The following FBXW4 variants were observed in gnomAD, a reference collection of about 807,000 sequenced individuals.
FBXW4 encodes the protein F-box/WD repeat-containing protein 4.
FBXW4 carries 40 observed loss-of-function variants against 61.8 expected under a neutral mutation model. The observed-to-expected ratio is 0.65, with a 90% CI of 0.50 to 0.84. The LOEUF (loss-of-function observed/expected upper bound fraction) is 0.84, where lower values mean the gene tolerates loss of function less well. FBXW4 is among the 40% of genes least tolerant of loss of function. The pLI, the probability that FBXW4 is intolerant of heterozygous loss-of-function variation, is 0.00. For synonymous variants in FBXW4, 311 were observed against 313.8 expected, an observed-to-expected ratio of 0.99 and a Z score of 0.10; for missense variants, 672 against 753.8, an observed-to-expected ratio of 0.89 and a Z score of 1.27.
At chr10:101,665,065 AG>A (rs2134881165) in intron 5 of FBXW4, among the ~76,000 whole-genome samples, 2 of 152,272 alleles carry the variant, frequency 1.3e-5, no homozygotes, top group African/African-American at 4.8e-5. Context: ...TGAGGCTGGG[AG>A]GCAGTGTCTC....
At chr10:101,643,907 TTTTC>T (rs2064074820) in intron 5 of FBXW4, among the ~76,000 whole-genome samples, 1 of 152,162 alleles carries the variant, frequency 6.6e-6, no homozygotes, top group Admixed American at 6.5e-5. Context: ...GCTAAAATGA[TTTTC>T]TTTAATTGCT....
intron 5 of FBXW4, among the ~76,000 whole-genome samples, chr10:101,627,332 G>A (rs913066761): frequency 3.3e-5 from 5 of 152,178 alleles, no homozygotes; most frequent in African/African-American, 1.2e-4. Context: ...CTGGCACTTA[G>A]GAGGACTTAA....
At chr10:101,635,934 G>T (rs1466794894) in intron 5 of FBXW4, among the ~76,000 whole-genome samples, 3 of 152,044 alleles carry the variant, frequency 2.0e-5, no homozygotes, top group African/African-American at 7.2e-5. Context: ...CGGGCGGAGG[G>T]AAGAGCGATC....
upstream of FBXW4, chr10:101,695,183 T>A (rs1357915897): frequency 2.0e-6 from 2 of 985,204 alleles, no homozygotes; most frequent in African/African-American, 1.7e-5. The surrounding 1 kb of genome is among the most constrained non-coding windows in gnomAD (Gnocchi z 4.2). Context: ...GGCGACACCA[T>A]GTCGGACCGG....
rs1443523149 is a variant in FBXW4 at position 101,611,234 on chromosome 10, A to G, written c.*57T>C. 3.8e-6 allele frequency: 6 copies of G among 1,587,792 alleles called. No individual in the cohort carries two copies. Among genetic ancestry groups the G allele is most frequent in the Admixed American group, 1.7e-5 (1 of 58,376 alleles). On this transcript the variant is annotated 3_prime_UTR_variant, in exon 9 of 9. Coordinates refer to ENST00000331272, the MANE Select transcript of FBXW4 (RefSeq NM_022039.4). This position sits in a 1 kb window ranked among gnomAD's most constrained non-coding sequence, Gnocchi z 4.9. ...GAGCTATCACTGCACCCTCCAGGCA[A>G]GAGAAGTCCCTGAGTAGCTGGTTTC...
At chr10:101,676,282 T>TA in intron 2 of FBXW4, 59 bp downstream of exon 2, 1 of 1,482,414 alleles carries the variant, frequency 6.7e-7, no homozygotes, top group Non-Finnish European at 9.3e-7. Context: ...CCAGATTTTT[T>TA]ACTTTCCATT....
At chr10:101,648,534 G>T (rs1420991077) in intron 5 of FBXW4, among the ~76,000 whole-genome samples, 1 of 152,140 alleles carries the variant, frequency 6.6e-6, no homozygotes, top group Non-Finnish European at 1.5e-5. Context: ...ACAGGAAAAG[G>T]AGTCAGAACT....
chr10:101,620,522 G>C (rs2063859499), intron 6 of FBXW4, among the ~76,000 whole-genome samples: 1 of 152,240 alleles, frequency 6.6e-6, no homozygotes, highest in African/African-American at 2.4e-5. Context: ...GCACTGCCAA[G>C]TGGTGCCCAG....
At chr10:101,665,067 G>A (rs2134881169) in intron 5 of FBXW4, among the ~76,000 whole-genome samples, 2 of 152,244 alleles carry the variant, frequency 1.3e-5, no homozygotes, top group African/African-American at 4.8e-5. Context: ...AGGCTGGGAG[G>A]CAGTGTCTCT....
intron 6 of FBXW4, among the ~76,000 whole-genome samples, chr10:101,615,821 AG>A (rs1212257933): frequency 2.0e-5 from 3 of 152,156 alleles, no homozygotes; most frequent in Non-Finnish European, 2.9e-5. Flanking sequence ...GACTGGGCAC[AG>A]GGGGCAGTCC....
At chr10:101,664,736 T>C (rs563306974) in intron 5 of FBXW4, among the ~76,000 whole-genome samples, 7 of 152,312 alleles carry the variant, frequency 4.6e-5, no homozygotes, top group African/African-American at 1.7e-4. Context: ...AGGATTCTGG[T>C]TGACATTACA....
chr10:101,676,413 T>C lies in FBXW4; in HGVS notation c.749A>G (p.Glu250Gly). The C allele has an allele frequency of 6.2e-7, 1 of 1,613,568 alleles. No individual in the cohort carries two copies. Among genetic ancestry groups the C allele is most frequent in the Non-Finnish European group, 8.5e-7 (1 of 1,179,820 alleles). Residue 250 changes from glutamate (E) to glycine (G), a missense_variant, in exon 2 of 9, where the codon GAA becomes GGA. This residue lies in a region of FBXW4 where 311 missense variants were observed against 301.1 expected (regional missense o/e 1.03). Transcript: ENST00000331272. ...TDLMTSVPVKERVKVSQNWRL... is the reference protein window; with the variant it reads ...TDLMTSVPVKGRVKVSQNWRL... The stretch of plus-strand genomic sequence containing the variant: ...CCAGTTCTGAGACACCTTCACTCGT[T>C]CCTTCACTGGGACACTGGTCATCCT...
chr10:101,646,606 C>T (rs572950554), intron 5 of FBXW4, among the ~76,000 whole-genome samples: 52 of 152,180 alleles, frequency 3.4e-4, no homozygotes, highest in Non-Finnish European at 6.9e-4. Flanking sequence ...GGCCAGGGGA[C>T]GCAGAGCTGG....
intron 4 of FBXW4, among the ~76,000 whole-genome samples, chr10:101,671,867 G>A (rs996762526): frequency 1.3e-5 from 2 of 152,212 alleles, no homozygotes; most frequent in Non-Finnish European, 2.9e-5. Flanking sequence ...CAAGCTTCCT[G>A]TGCTGGTGTG....
chr10:101,670,944 C>A (rs906883798), intron 4 of FBXW4, among the ~76,000 whole-genome samples: 10 of 151,918 alleles, frequency 6.6e-5, no homozygotes, highest in African/African-American at 2.4e-4. Flanking sequence ...TCCCTTTACC[C>A]CATAAAATAA....
intron 6 of FBXW4, among the ~76,000 whole-genome samples, chr10:101,620,402 C>CT (rs1393809413): frequency 9.9e-5 from 15 of 152,238 alleles, no homozygotes; most frequent in African/African-American, 3.6e-4. Context: ...ACCAGGGCAT[C>CT]TTTCCTCAAT....
chr10:101,679,770 A>G (rs1193576801), intron 1 of FBXW4, among the ~76,000 whole-genome samples: 1 of 152,170 alleles, frequency 6.6e-6, no homozygotes, highest in African/African-American at 2.4e-5. Flanking sequence ...TAGGGGTACA[A>G]ATGGTTTTTG....
intron 5 of FBXW4, among the ~76,000 whole-genome samples, chr10:101,667,106 C>T (rs1198692468): frequency 6.6e-6 from 1 of 151,636 alleles, no homozygotes; most frequent in Non-Finnish European, 1.5e-5. Flanking sequence ...TGGCAGGTGC[C>T]TGTAGTCCCA....
At chr10:101,690,546 GT>G (rs1258645222) in intron 1 of FBXW4, among the ~76,000 whole-genome samples, 1 of 152,166 alleles carries the variant, frequency 6.6e-6, no homozygotes, top group African/African-American at 2.4e-5. Context: ...CAAATTATTT[GT>G]TTGTGGTTTT....
Sources: allele counts gnomAD v4.1 joint callset (sites outside exome capture counted in the v4.1 genomes callset), GRCh38; gene constraint gnomAD v4.1.1; regional missense constraint gnomAD v4.1.1; non-coding constraint Gnocchi (gnomAD v3.1); transcripts MANE v1.5; gene names NCBI Gene and HGNC (gene_info 2026-07-23, HGNC 2026-07-21).